The following GPC6 variants were observed in gnomAD, a reference collection of about 807,000 sequenced individuals.
GPC6 encodes the protein glypican 6, also known as glypican-6.
Under a neutral mutation model 55.2 loss-of-function variants are expected in GPC6, and 14 were observed. The observed-to-expected ratio is 0.25, with a 90% CI of 0.17 to 0.40. The LOEUF (loss-of-function observed/expected upper bound fraction) is 0.40. GPC6 is among the 10% of genes least tolerant of loss of function. GPC6 has a pLI of 1.00. For synonymous variants in GPC6, 278 were observed against 259.6 expected, an observed-to-expected ratio of 1.07 and a Z score of -0.68; for missense variants, 641 against 708.5, an observed-to-expected ratio of 0.90 and a Z score of 1.08.
intron 3 of GPC6, among the ~76,000 whole-genome samples, chr13:93,961,614 G>A (rs924568309): frequency 6.6e-6 from 1 of 152,256 alleles, no homozygotes; most frequent in African/African-American, 2.4e-5. Flanking sequence ...AGTGATGAAG[G>A]GAAACATTAG....
chr13:94,019,198 T>C (rs1882605610), intron 3 of GPC6, among the ~76,000 whole-genome samples: 1 of 152,184 alleles, frequency 6.6e-6, no homozygotes, highest in Non-Finnish European at 1.5e-5. Flanking sequence ...CCAGAGTTTT[T>C]CTTTGTCCGG....
intron 1 of GPC6, among the ~76,000 whole-genome samples, chr13:93,269,073 A>G (rs183112361): frequency 1.1e-3 from 172 of 152,328 alleles, no homozygotes; most frequent in African/African-American, 4.0e-3. Flanking sequence ...TACAAAATAT[A>G]TAAAATAAAT....
chr13:94,342,680 T>C (rs9524449), intron 6 of GPC6, among the ~76,000 whole-genome samples: 14,258 of 152,208 alleles, frequency 0.094, 772 homozygotes, highest in African/African-American at 0.14. Flanking sequence ...AGAACTGGAA[T>C]CCCACGGGGA....
intron 2 of GPC6, among the ~76,000 whole-genome samples, chr13:93,787,253 G>A (rs1435681168): frequency 2.0e-5 from 3 of 152,180 alleles, no homozygotes; most frequent in Non-Finnish European, 4.4e-5. Context: ...CCGTATGACA[G>A]GGGTTGGCAA....
At chr13:93,812,270 T>G (rs1886720171) in intron 2 of GPC6, among the ~76,000 whole-genome samples, 1 of 151,742 alleles carries the variant, frequency 6.6e-6, no homozygotes. Flanking sequence ...GTGCCCATAG[T>G]CCCAGCTACT....
At chr13:93,262,878 T>G (rs529812583) in intron 1 of GPC6, among the ~76,000 whole-genome samples, 1 of 152,120 alleles carries the variant, frequency 6.6e-6, no homozygotes, top group East Asian at 1.9e-4. Context: ...GATGAGTCAG[T>G]CAGAAAATAG....
intron 3 of GPC6, among the ~76,000 whole-genome samples, chr13:93,851,569 T>G (rs976942358): frequency 4.6e-5 from 7 of 151,924 alleles, no homozygotes; most frequent in African/African-American, 9.7e-5. Context: ...TATGAAAGTC[T>G]TCTTTTATGC....
chr13:93,827,604 C>T (rs983336481), intron 2 of GPC6, among the ~76,000 whole-genome samples: 1 of 151,984 alleles, frequency 6.6e-6, no homozygotes, highest in African/African-American at 2.4e-5. Context: ...TGATTTTTAA[C>T]AAGAAATAAT....
intron 3 of GPC6, among the ~76,000 whole-genome samples, chr13:93,871,288 CAA>C (rs1165491474): frequency 6.6e-6 from 1 of 151,906 alleles, no homozygotes; most frequent in Non-Finnish European, 1.5e-5. Context: ...ACACCTGTCT[CAA>C]GAGGGTGTTG....
intron 2 of GPC6, among the ~76,000 whole-genome samples, chr13:93,713,046 A>T (rs1454867532): frequency 6.6e-6 from 1 of 151,592 alleles, no homozygotes; most frequent in Non-Finnish European, 1.5e-5. Flanking sequence ...TGTATTTATT[A>T]AAAACCTCTT....
intron 4 of GPC6, among the ~76,000 whole-genome samples, chr13:94,140,850 C>G (rs921524617): frequency 6.6e-6 from 1 of 151,952 alleles, no homozygotes; most frequent in Non-Finnish European, 1.5e-5. Flanking sequence ...CCAGTGCCAC[C>G]TTTGCACATT....
intron 2 of GPC6, among the ~76,000 whole-genome samples, chr13:93,626,600 G>C (rs918964196): frequency 2.0e-5 from 3 of 152,028 alleles, no homozygotes; most frequent in South Asian, 2.1e-4. Flanking sequence ...TCAGGAGTTC[G>C]AGACCAGCCT....
At chr13:93,762,957 G>A (rs754964052) in intron 2 of GPC6, among the ~76,000 whole-genome samples, 13 of 152,206 alleles carry the variant, frequency 8.5e-5, no homozygotes, top group Non-Finnish European at 1.9e-4. Flanking sequence ...CAAGCTGTGA[G>A]TAATAGAGTG....
intron 3 of GPC6, among the ~76,000 whole-genome samples, chr13:93,965,229 G>A (rs1249254536): frequency 6.7e-6 from 1 of 149,540 alleles, no homozygotes. Context: ...GGCTAACACG[G>A]TGAAACCCCC....
intron 6 of GPC6, among the ~76,000 whole-genome samples, chr13:94,315,769 C>T (rs1467942158): frequency 6.6e-6 from 1 of 152,170 alleles, no homozygotes; most frequent in East Asian, 1.9e-4. Flanking sequence ...TTCCTTTATT[C>T]ACCATATTTA....
rs138054924 is a variant in GPC6, at chr13:94,389,830, C to T, written c.1289+7280C>T. On this transcript the variant is annotated intron_variant, in intron 7 of 8. Transcript: ENST00000377047. The stretch of plus-strand genomic sequence containing the variant: ...TAAAACTGACAAAACAGCTTTCTGA[C>T]GTTGCTCCTTGTAAGGCAGTGTTGA... Among the ~76,000 whole-genome samples the T allele has an allele frequency of 5.2e-3, 794 of 152,298 alleles. 4 individuals are homozygous for T. Among genetic ancestry groups the T allele is most frequent in the African/African-American group, 0.018 (738 of 41,564 alleles).
Position 94,003,876 on chromosome 13 carries a change from T to C in GPC6, c.712-23853T>C, listed in dbSNP as rs545753673. Among the ~76,000 whole-genome samples the C allele has an allele frequency of 2.0e-5, 3 of 152,294 alleles. No individual in the cohort carries two copies. In the East Asian group the frequency reaches 5.8e-4, roughly 29 times the overall value. ...CTCACTTTTGAAATTGGAAAGAAGG[T>C]TAAATCTGCATATCTGAGCTCTGCC... On this transcript the variant is annotated intron_variant, in intron 3 of 8. Transcript: ENST00000377047.
At chr13:93,656,307 T>C (rs1880662864) in intron 2 of GPC6, among the ~76,000 whole-genome samples, 1 of 152,164 alleles carries the variant, frequency 6.6e-6, no homozygotes, top group Non-Finnish European at 1.5e-5. Flanking sequence ...ATTGATTTTA[T>C]AGTGAAAATA....
chr13:93,951,852 T>C (rs1240623685), intron 3 of GPC6, among the ~76,000 whole-genome samples: 1 of 152,114 alleles, frequency 6.6e-6, no homozygotes, highest in African/African-American at 2.4e-5. Flanking sequence ...TGGAGATCAT[T>C]AGAAGCAAAG....
Sources: gnomAD v4.1 joint callset for allele counts (sites outside exome capture counted in the v4.1 genomes callset) on GRCh38, gnomAD v4.1.1 for gene constraint, MANE v1.5 for transcripts, NCBI Gene and HGNC (gene_info 2026-07-23, HGNC 2026-07-21) for gene names.